Variants in FUBP3 observed in about 807,000 individuals in gnomAD.
The protein encoded by FUBP3 is far upstream element-binding protein 3.
Under a neutral mutation model 85.6 loss-of-function variants are expected in FUBP3, and 28 were observed. The observed-to-expected ratio is 0.33, with a 90% CI of 0.24 to 0.45. The LOEUF (loss-of-function observed/expected upper bound fraction) is 0.45, where lower values mean the gene tolerates loss of function less well. FUBP3 is among the 20% of genes least tolerant of loss of function. FUBP3 has a pLI of 1.00. For synonymous variants in FUBP3, 271 were observed against 271.4 expected, an observed-to-expected ratio of 1.00 and a Z score of 0.01; for missense variants, 583 against 755.1, an observed-to-expected ratio of 0.77 and a Z score of 2.67.
chr9:130,600,461 C>T (rs879659963), intron 2 of FUBP3, among the ~76,000 whole-genome samples: 14 of 152,094 alleles, frequency 9.2e-5, no homozygotes, highest in Non-Finnish European at 1.6e-4. Flanking sequence ...TTTAGAAGTG[C>T]GAATTTAAAT....
intron 12 of FUBP3, among the ~76,000 whole-genome samples, chr9:130,627,236 G>C (rs1196578643): frequency 6.6e-6 from 1 of 152,246 alleles, no homozygotes; most frequent in East Asian, 1.9e-4. Flanking sequence ...CCTTCCCAGT[G>C]TAGCAGCAGG....
At chr9:130,623,786 C>A in intron 11 of FUBP3, 75 bp downstream of exon 11, 2 of 872,616 alleles carry the variant, frequency 2.3e-6, no homozygotes, top group Non-Finnish European at 3.7e-6. Context: ...CTCGGTGCAG[C>A]ACCATAGAGC....
intron 12 of FUBP3, 135 bp from the exon 13 acceptor site, chr9:130,630,493 A>G: frequency 1.7e-6 from 1 of 575,670 alleles, no homozygotes; most frequent in Non-Finnish European, 2.9e-6. Flanking sequence ...AAATAGAGAC[A>G]ACTTCTCTAC....
intron 18 of FUBP3, 82 bp downstream of exon 18, chr9:130,636,208 G>A (rs1830412072): frequency 1.4e-6 from 2 of 1,402,260 alleles, no homozygotes; most frequent in Non-Finnish European, 2.0e-6. Context: ...CCTGACCCCA[G>A]GATGAGAGCG....
intron 5 of FUBP3, among the ~76,000 whole-genome samples, chr9:130,614,016 G>A (rs533250313): frequency 6.6e-6 from 1 of 152,390 alleles, no homozygotes; most frequent in African/African-American, 2.4e-5. Context: ...GAGTGGGTCA[G>A]AAGTGAAGCT....
At chr9:130,617,601 G>T (rs867665373) in intron 7 of FUBP3, among the ~76,000 whole-genome samples, 196 bp from the exon 8 acceptor site, 1 of 152,206 alleles carries the variant, frequency 6.6e-6, no homozygotes, top group Admixed American at 6.5e-5. Context: ...TTTACATCTC[G>T]CATTTGGACA....
intron 1 of FUBP3, among the ~76,000 whole-genome samples, chr9:130,588,092 C>G (rs1358101608): frequency 6.6e-6 from 1 of 152,144 alleles, no homozygotes; most frequent in Non-Finnish European, 1.5e-5. Flanking sequence ...CCATGTTGTG[C>G]TGGGTGCCAG....
intron 12 of FUBP3, among the ~76,000 whole-genome samples, chr9:130,630,206 T>G (rs1175130863): frequency 6.6e-6 from 1 of 152,232 alleles, no homozygotes; most frequent in East Asian, 1.9e-4. Context: ...CCCATTGTCA[T>G]GGAGGCGCCC....
chr9:130,579,806 CG>C (rs1458698363), intron 1 of FUBP3, 42 bp downstream of exon 1: 1 of 1,102,204 alleles, frequency 9.1e-7, no homozygotes. Flanking sequence ...GATCCCGAGG[CG>C]GGGCCTGGCG....
At chr9:130,590,423 A>T (rs1185521129) in intron 1 of FUBP3, among the ~76,000 whole-genome samples, 2 of 152,144 alleles carry the variant, frequency 1.3e-5, no homozygotes, top group Non-Finnish European at 2.9e-5. Context: ...AGTGTCTGTG[A>T]CGTTGATTTG....
intron 8 of FUBP3, among the ~76,000 whole-genome samples, chr9:130,618,480 C>T (rs554597042): frequency 4.0e-4 from 61 of 152,372 alleles, no homozygotes; most frequent in African/African-American, 1.4e-3. Flanking sequence ...AGCTGCCAGG[C>T]GGGACAGCCC....
chr9:130,637,214 G>C lies in FUBP3; in HGVS notation c.*192G>C. On this transcript the variant is annotated 3_prime_UTR_variant, in exon 19 of 19. Transcript: ENST00000319725. Reference sequence around the variant, plus strand: ...TTACTAAAAATTGCTGATCATTTTTGTTTCATTATTTTTGTTATTTCAAAT... The same window carrying C: ...TTACTAAAAATTGCTGATCATTTTTCTTTCATTATTTTTGTTATTTCAAAT... 1 of 604,834 alleles carries C rather than the reference G, an allele frequency of 1.7e-6. No homozygotes were observed. The allele number at this position is 604,834 out of a possible 1,614,324, so 37.5% of individuals were successfully genotyped here. A position where few individuals can be genotyped will look rare whatever the true frequency, so the allele number is the denominator to read the frequency against.
At chr9:130,586,527 C>T (rs1451471308) in intron 1 of FUBP3, among the ~76,000 whole-genome samples, 1 of 151,662 alleles carries the variant, frequency 6.6e-6, no homozygotes, top group Non-Finnish European at 1.5e-5. Context: ...TCAGCCTCCC[C>T]AGTAGCTGCC....
At chr9:130,619,795 A>G (rs1829664506) in intron 8 of FUBP3, among the ~76,000 whole-genome samples, 1 of 152,224 alleles carries the variant, frequency 6.6e-6, no homozygotes, top group African/African-American at 2.4e-5. Context: ...TCTCACCAGT[A>G]GGTTATAGAA....
intron 12 of FUBP3, among the ~76,000 whole-genome samples, chr9:130,627,543 C>T (rs1472662747): frequency 6.6e-6 from 1 of 152,262 alleles, no homozygotes; most frequent in Admixed American, 6.5e-5. Context: ...CTCACAGACA[C>T]TGTGGGCTTA....
At chr9:130,593,809 A>C (rs1830736741) in intron 1 of FUBP3, among the ~76,000 whole-genome samples, 1 of 152,222 alleles carries the variant, frequency 6.6e-6, no homozygotes, top group Admixed American at 6.5e-5. Flanking sequence ...AGTTGCTGTA[A>C]ATATTCCTTT....
intron 3 of FUBP3, among the ~76,000 whole-genome samples, chr9:130,611,672 C>G (rs940964824): frequency 1.4e-5 from 2 of 147,154 alleles, no homozygotes; most frequent in African/African-American, 2.5e-5. Context: ...AAACTACTTG[C>G]ATTTAGCATC....
chr9:130,615,860 A>C (rs1831979061), intron 6 of FUBP3, among the ~76,000 whole-genome samples: 1 of 152,220 alleles, frequency 6.6e-6, no homozygotes, highest in Admixed American at 6.5e-5. Flanking sequence ...AGAAGCGTGG[A>C]GTATGGGAGT....
rs201744061 is a variant in FUBP3, at chr9:130,628,102, G to GCA, written c.1117+1598_1117+1599insAC. Among the ~76,000 whole-genome samples the GCA allele has an allele frequency of 1.6e-3, 139 of 87,334 alleles. 1 individual carries two copies. In the East Asian group the frequency reaches 0.038, roughly 24 times the overall value. The allele number at this position is 87,334 out of a possible 152,430, so 57.3% of individuals were successfully genotyped here. A position where few individuals can be genotyped will look rare whatever the true frequency, so the allele number is the denominator to read the frequency against. On this transcript the variant is annotated intron_variant, in intron 12 of 18. Transcript: ENST00000319725. ...TAAACACACGCACGCACGCACGCAC[G>GCA]CGCACACACACACACACACACACAC...
Sources: allele counts gnomAD v4.1 joint callset (sites outside exome capture counted in the v4.1 genomes callset), GRCh38; gene constraint gnomAD v4.1.1; transcripts MANE v1.5; gene names NCBI Gene and HGNC (gene_info 2026-07-23, HGNC 2026-07-21).